Variants in RAB38 observed in about 807,000 individuals in gnomAD.
RAB38 encodes the protein ras-related protein Rab-38.
Under a neutral mutation model 18.4 loss-of-function variants are expected in RAB38, and 15 were observed. That is an observed-to-expected ratio of 0.82 (90% confidence interval 0.55 to 1.26). The LOEUF (loss-of-function observed/expected upper bound fraction) is 1.26. Among genes scored for constraint, RAB38 ranks in the 50% most tolerant of loss-of-function variants. The pLI is 0.00. For synonymous variants in RAB38, 101 were observed against 104.4 expected, an observed-to-expected ratio of 0.97 and a Z score of 0.20; for missense variants, 294 against 267.4, an observed-to-expected ratio of 1.10 and a Z score of -0.69.
At chr11:88,037,626 C>A in the RAB38 span, among the ~76,000 whole-genome samples, 56 of 152,210 alleles carry the variant, frequency 3.7e-4, no homozygotes, top group African/African-American at 1.3e-3. Flanking sequence ...TACTAATCTG[C>A]TTTCTATCAC....
chr11:87,893,390 A>ATATATATATATATATATATATATATATTT, the RAB38 span, among the ~76,000 whole-genome samples: 3 of 93,890 alleles, frequency 3.2e-5, no homozygotes, highest in Admixed American at 2.9e-4. Context: ...ATATATATAT[A>ATATATATATATATATATATATATATATTT]TTTTTTTTTT....
chr11:87,835,760 C>T, the RAB38 span, among the ~76,000 whole-genome samples: 51 of 152,282 alleles, frequency 3.3e-4, no homozygotes, highest in African/African-American at 1.2e-3. Context: ...AAAACCTCTG[C>T]CAACACCTTT....
At chr11:87,852,744 A>T in the RAB38 span, among the ~76,000 whole-genome samples, 2 of 152,192 alleles carry the variant, frequency 1.3e-5, no homozygotes, top group Admixed American at 1.3e-4. Flanking sequence ...GTAACCACTG[A>T]GGGCTAAGAG....
At chr11:87,816,473 G>C in the RAB38 span, 1 of 152,178 alleles carries the variant, frequency 6.6e-6, no homozygotes, top group Admixed American at 6.6e-5. Context: ...ATCAAGTGTT[G>C]ACATTTGAGG....
At chr11:87,874,680 AAAAT>A in the RAB38 span, among the ~76,000 whole-genome samples, 4 of 150,398 alleles carry the variant, frequency 2.7e-5, no homozygotes, top group Non-Finnish European at 5.9e-5. Context: ...AAAATAAAAT[AAAAT>A]AAATTAAAAA....
At chr11:87,821,895 A>C in the RAB38 span, among the ~76,000 whole-genome samples, 1 of 152,038 alleles carries the variant, frequency 6.6e-6, no homozygotes, top group East Asian at 1.9e-4. Flanking sequence ...ATTCAAAAAT[A>C]AAGGTGAAAT....
the RAB38 span, among the ~76,000 whole-genome samples, chr11:88,089,599 T>C: frequency 1.3e-5 from 2 of 151,922 alleles, no homozygotes; most frequent in East Asian, 1.9e-4. Context: ...GCCACATACT[T>C]TTTCCTGTTT....
chr11:88,164,732 G>C (rs1943228520), intron 1 of RAB38, among the ~76,000 whole-genome samples: 1 of 152,066 alleles, frequency 6.6e-6, no homozygotes, highest in Non-Finnish European at 1.5e-5. Flanking sequence ...GAGGCACAAT[G>C]AAAAAATCCA....
At chr11:87,903,937 G>A in the RAB38 span, among the ~76,000 whole-genome samples, 6 of 149,552 alleles carry the variant, frequency 4.0e-5, no homozygotes, top group South Asian at 2.2e-4. Context: ...TATTTGTCTG[G>A]GAGTTTATTA....
chr11:87,811,152 C>T, the RAB38 span, among the ~76,000 whole-genome samples: 8 of 152,194 alleles, frequency 5.3e-5, no homozygotes, highest in Admixed American at 3.9e-4. Flanking sequence ...ACTGAGCACA[C>T]GCAGCGTGTC....
chr11:88,016,398 G>A, the RAB38 span, among the ~76,000 whole-genome samples: 1 of 152,094 alleles, frequency 6.6e-6, no homozygotes, highest in African/African-American at 2.4e-5. Flanking sequence ...AATCTACTCA[G>A]ATGCCTGTGG....
At chr11:87,919,335 ATTTCT>A in the RAB38 span, among the ~76,000 whole-genome samples, 2 of 150,010 alleles carry the variant, frequency 1.3e-5, no homozygotes, top group African/African-American at 2.4e-5. Flanking sequence ...ATTTTATTGA[ATTTCT>A]TTTCTTCATC....
At chr11:87,873,806 G>T in the RAB38 span, among the ~76,000 whole-genome samples, 1 of 149,830 alleles carries the variant, frequency 6.7e-6, no homozygotes, top group Non-Finnish European at 1.5e-5. Context: ...TTATAAATTT[G>T]GTTTAAAATT....
chr11:87,838,705 C>T, the RAB38 span, among the ~76,000 whole-genome samples: 3 of 152,194 alleles, frequency 2.0e-5, no homozygotes, highest in Admixed American at 6.5e-5. Flanking sequence ...GGTGGGCATT[C>T]GTCACTTCAT....
At chr11:87,831,046 A>G in the RAB38 span, among the ~76,000 whole-genome samples, 4 of 152,118 alleles carry the variant, frequency 2.6e-5, no homozygotes, top group African/African-American at 4.8e-5. Context: ...GTCTCAAGTG[A>G]TCCACCAGCC....
the RAB38 span, among the ~76,000 whole-genome samples, chr11:87,809,036 TATG>T: frequency 1.3e-5 from 2 of 151,396 alleles, no homozygotes; most frequent in Non-Finnish European, 2.9e-5. Context: ...TAGAAGGAAA[TATG>T]AGAGAGAAAA....
the RAB38 span, among the ~76,000 whole-genome samples, chr11:87,970,761 G>A: frequency 6.6e-6 from 1 of 152,252 alleles, no homozygotes; most frequent in East Asian, 1.9e-4. Flanking sequence ...GCTGGGACTT[G>A]CAGAGGAAGC....
chr11:88,053,127 A>T, the RAB38 span, among the ~76,000 whole-genome samples: 501 of 51,152 alleles, frequency 9.8e-3, 2 homozygotes, highest in South Asian at 0.019. Context: ...GAATATATAT[A>T]TTATATATAC....
At chr11:87,951,612 A>G in the RAB38 span, among the ~76,000 whole-genome samples, 3 of 151,684 alleles carry the variant, frequency 2.0e-5, no homozygotes, top group Admixed American at 6.6e-5. Flanking sequence ...TTTTCCTTCT[A>G]ACAGACAGGA....
Sources: gnomAD v4.1 joint callset for allele counts (sites outside exome capture counted in the v4.1 genomes callset) on GRCh38, gnomAD v4.1.1 for gene constraint, MANE v1.5 for transcripts, NCBI Gene and HGNC (gene_info 2026-07-23, HGNC 2026-07-21) for gene names.